LRIF1: variants seen among roughly 807,000 people sequenced by gnomAD.
LRIF1 encodes the protein ligand-dependent nuclear receptor-interacting factor 1.
Under a neutral mutation model 52.7 loss-of-function variants are expected in LRIF1, and 32 were observed. That is an observed-to-expected ratio of 0.61 (90% CI 0.46 to 0.82). LRIF1 has a LOEUF of 0.82. LRIF1 is among the 40% of genes least tolerant of loss of function. The pLI, the probability that LRIF1 is intolerant of heterozygous loss-of-function variation, is 0.00. For synonymous variants in LRIF1, 323 were observed against 317.4 expected, an observed-to-expected ratio of 1.02 and a Z score of -0.19; for missense variants, 887 against 892.0, an observed-to-expected ratio of 0.99 and a Z score of 0.07.
the LRIF1 span, among the ~76,000 whole-genome samples, chr1:110,885,691 CCT>C: frequency 6.6e-6 from 1 of 151,700 alleles, no homozygotes; most frequent in African/African-American, 2.4e-5. Context: ...GGCGAAACCC[CCT>C]CTCTACTAAA....
the LRIF1 span, among the ~76,000 whole-genome samples, chr1:110,876,090 T>C: frequency 2.6e-5 from 4 of 152,236 alleles, no homozygotes; most frequent in Non-Finnish European, 4.4e-5. Context: ...AATTAGAATA[T>C]TGGTACTTCA....
chr1:110,928,269 A>G, the LRIF1 span, among the ~76,000 whole-genome samples: 114 of 152,324 alleles, frequency 7.5e-4, no homozygotes, highest in African/African-American at 2.6e-3. Context: ...TTGAATAGTA[A>G]TGTTCCTAGC....
chr1:110,883,467 T>A, the LRIF1 span, among the ~76,000 whole-genome samples: 1 of 152,028 alleles, frequency 6.6e-6, no homozygotes, highest in Non-Finnish European at 1.5e-5. Flanking sequence ...ATCTTGTTTA[T>A]AATTTTCACA....
chr1:110,949,437 T>A (rs1658364715), intron 3 of LRIF1, among the ~76,000 whole-genome samples: 1 of 149,434 alleles, frequency 6.7e-6, no homozygotes, highest in Admixed American at 6.7e-5. Flanking sequence ...TTTTTTTTTT[T>A]GAGATGGAGT....
the LRIF1 span, among the ~76,000 whole-genome samples, chr1:110,918,758 A>C: frequency 6.6e-6 from 1 of 152,206 alleles, no homozygotes; most frequent in African/African-American, 2.4e-5. Context: ...TTCATGGTAC[A>C]GAAGTCAGAG....
chr1:110,959,968 C>CAG (rs1164584382), intron 1 of LRIF1, among the ~76,000 whole-genome samples: 3 of 151,798 alleles, frequency 2.0e-5, no homozygotes, highest in Admixed American at 2.0e-4. Context: ...CTATCTATGA[C>CAG]ATAACATTAT....
At chr1:110,921,839 A>T in the LRIF1 span, among the ~76,000 whole-genome samples, 1 of 151,992 alleles carries the variant, frequency 6.6e-6, no homozygotes, top group Admixed American at 6.5e-5. Context: ...AAAAGCTTTT[A>T]TTTTAGTTTC....
the LRIF1 span, among the ~76,000 whole-genome samples, chr1:110,911,186 GA>G: frequency 0.057 from 8,449 of 148,040 alleles, 284 homozygotes; most frequent in East Asian, 0.14. Flanking sequence ...ACCCCCCAGG[GA>G]AAAAAAAAAC....
chr1:110,949,442 T>TG (rs1488264655), intron 3 of LRIF1, among the ~76,000 whole-genome samples: 6 of 140,562 alleles, frequency 4.3e-5, no homozygotes, highest in Non-Finnish European at 6.1e-5. Context: ...TTTTTTGAGA[T>TG]GGAGTCCTGC....
downstream of LRIF1, among the ~76,000 whole-genome samples, chr1:110,943,055 G>C (rs1282690592): frequency 1.3e-5 from 2 of 152,022 alleles, no homozygotes; most frequent in Admixed American, 6.6e-5. Flanking sequence ...CAGTCAACGA[G>C]GTATGAGGAA....
At chr1:110,880,885 CACAA>C in the LRIF1 span, among the ~76,000 whole-genome samples, 1 of 152,030 alleles carries the variant, frequency 6.6e-6, no homozygotes, top group African/African-American at 2.4e-5. Context: ...AAGACTTAGA[CACAA>C]ACAGAGAGGA....
At chr1:110,914,880 CAAT>C in the LRIF1 span, among the ~76,000 whole-genome samples, 1 of 152,192 alleles carries the variant, frequency 6.6e-6, no homozygotes, top group Non-Finnish European at 1.5e-5. Flanking sequence ...CATGGTACAA[CAAT>C]GTTTCACCAC....
chr1:110,918,119 C>T, the LRIF1 span, among the ~76,000 whole-genome samples: 4 of 152,080 alleles, frequency 2.6e-5, no homozygotes, highest in African/African-American at 7.2e-5. Flanking sequence ...AAAACACCTA[C>T]CTCCCCTCCA....
At chr1:110,876,769 C>T in the LRIF1 span, among the ~76,000 whole-genome samples, 108,795 of 151,906 alleles carry the variant, frequency 0.72, 41,327 homozygotes, top group Non-Finnish European at 0.84. Flanking sequence ...ATTTCCCATC[C>T]CTTTAAAAAA....
At chr1:110,949,251 TGGGACTACA>T (rs906575489) in intron 3 of LRIF1, among the ~76,000 whole-genome samples, 1 of 151,616 alleles carries the variant, frequency 6.6e-6, no homozygotes, top group Non-Finnish European at 1.5e-5. Flanking sequence ...CCCAAGTAGT[TGGGACTACA>T]GGTGCGTGCT....
chr1:110,896,882 T>C, the LRIF1 span: 2 of 644,580 alleles, frequency 3.1e-6, no homozygotes, highest in Non-Finnish European at 2.7e-6. Flanking sequence ...CCTTGGGTAA[T>C]TAGAAAAGTC....
Position 110,948,047 on chromosome 1 carries a change from C to T in LRIF1, c.2222G>A (p.Arg741Gln), listed in dbSNP as rs763995417. The T allele has an allele frequency of 2.5e-5, 40 of 1,613,448 alleles. No homozygotes were observed. The highest frequency in any genetic ancestry group is 9.9e-5 in the South Asian group (9 of 90,880). Residue 741 changes from arginine (R) to glutamine (Q), a missense_variant, in exon 4 of 4, where the codon CGA becomes CAA. Transcript: ENST00000369763. ...VTPPELEETIRDEKIRRLKQV... is the reference protein window; with the variant it reads ...VTPPELEETIQDEKIRRLKQV... ...CTTAAGTCTTCTTATTTTTTCATCT[C>T]GAATGGTTTCTTCTAACTCCGGTGG...
the LRIF1 span, among the ~76,000 whole-genome samples, chr1:110,919,520 A>G: frequency 4.0e-5 from 6 of 151,616 alleles, no homozygotes; most frequent in East Asian, 5.8e-4. Flanking sequence ...TACTTATTAA[A>G]CTCCCCTTTA....
At chr1:110,930,575 G>T in the LRIF1 span, among the ~76,000 whole-genome samples, 6 of 151,954 alleles carry the variant, frequency 3.9e-5, no homozygotes, top group African/African-American at 1.5e-4. Context: ...TTATACTATT[G>T]GATTAAGGTC....
Sources: allele counts gnomAD v4.1 joint callset (sites outside exome capture counted in the v4.1 genomes callset), GRCh38; gene constraint gnomAD v4.1.1; transcripts MANE v1.5; gene names NCBI Gene and HGNC (gene_info 2026-07-23, HGNC 2026-07-21).